Variants in GRIN2A observed in about 807,000 individuals in gnomAD.
GRIN2A encodes the protein glutamate ionotropic receptor NMDA type subunit 2A.
A neutral mutation model predicts 113.4 loss-of-function variants in GRIN2A; 22 were observed. The observed-to-expected ratio is 0.19, with a 90% CI of 0.14 to 0.28. GRIN2A has a LOEUF of 0.28. Among genes scored for constraint, GRIN2A ranks in the 10% least tolerant of loss-of-function variants. The pLI, the probability that GRIN2A is intolerant of heterozygous loss-of-function variation, is 1.00. For synonymous variants in GRIN2A, 827 were observed against 738.4 expected (o/e 1.12, Z -1.94); for missense variants, 1,502 against 1,887.0 (o/e 0.80, Z 3.78).
intron 2 of GRIN2A, among the ~76,000 whole-genome samples, chr16:10,109,036 C>A (rs9936739): frequency 0.042 from 3,512 of 84,038 alleles, 111 homozygotes; most frequent in African/African-American, 0.16. Flanking sequence ...AAAAAAAAAA[C>A]AAAATTGATA....
chr16:10,135,209 A>G (rs1242429107), intron 2 of GRIN2A, among the ~76,000 whole-genome samples: 2 of 152,236 alleles, frequency 1.3e-5, no homozygotes, highest in Non-Finnish European at 2.9e-5. Flanking sequence ...TATAATTCAG[A>G]TAAATGCTCT....
rs1042202486 is a variant in GRIN2A at position 9,763,909 on chromosome 16, G to C, written c.3635C>G (p.Thr1212Arg). The C allele has an allele frequency of 6.2e-7, 1 of 1,614,098 alleles. No individual in the cohort carries two copies. Among genetic ancestry groups the C allele is most frequent in the African/African-American group, 1.3e-5 (1 of 75,050 alleles). The part of the protein sequence containing the change: ...ETSERYRQNS[T>R]HCRSCLSNMP... ...GTTGGAAAGGCAGCTTCTGCAGTGC[G>C]TGGAGTTCTGCCGGTATCGCTCGCT... Residue 1212 changes from threonine to arginine, a missense_variant, in exon 13 of 13, where the codon ACG becomes AGG. Thr to Arg is a moderately conservative substitution (Grantham distance 71, BLOSUM62 -1). Coordinates refer to ENST00000330684, the MANE Select transcript of GRIN2A (RefSeq NM_001134407.3).
intron 2 of GRIN2A, among the ~76,000 whole-genome samples, chr16:10,141,808 G>C (rs527464519): frequency 6.6e-6 from 1 of 152,202 alleles, no homozygotes; most frequent in Admixed American, 6.5e-5. Context: ...TTTTACAAAT[G>C]AGATACCAGA....
chr16:9,865,367 G>C (rs985769392), intron 4 of GRIN2A, among the ~76,000 whole-genome samples: 23 of 152,066 alleles, frequency 1.5e-4, no homozygotes, highest in African/African-American at 5.3e-4. Context: ...GAGCCCTATG[G>C]AGCCACTGGG....
At chr16:9,771,147 G>A (rs1254368258) in intron 11 of GRIN2A, among the ~76,000 whole-genome samples, 1 of 150,906 alleles carries the variant, frequency 6.6e-6, no homozygotes, top group Non-Finnish European at 1.5e-5. Flanking sequence ...GGGATGTAGT[G>A]CTAGCTCATT....
At chr16:9,973,750 A>G (rs560244253) in intron 2 of GRIN2A, among the ~76,000 whole-genome samples, 20 of 152,328 alleles carry the variant, frequency 1.3e-4, no homozygotes, top group African/African-American at 4.8e-4. Context: ...TACAGAGTCC[A>G]GAAGACAGTG....
At chr16:10,094,432 T>C (rs2048244913) in intron 2 of GRIN2A, among the ~76,000 whole-genome samples, 1 of 151,670 alleles carries the variant, frequency 6.6e-6, no homozygotes, top group Non-Finnish European at 1.5e-5. Context: ...TCTGACTGCA[T>C]ATTATTCTCA....
chr16:10,041,767 C>T (rs990784560), intron 2 of GRIN2A, among the ~76,000 whole-genome samples: 8 of 152,156 alleles, frequency 5.3e-5, no homozygotes, highest in African/African-American at 1.9e-4. Flanking sequence ...GATACCCATC[C>T]TTGAGTGTAT....
At chr16:9,829,294 G>C (rs2042443906) in intron 9 of GRIN2A, 129 bp downstream of exon 9, 3 of 667,722 alleles carry the variant, frequency 4.5e-6, no homozygotes, top group Admixed American at 2.5e-5. Flanking sequence ...GAGTTAAAGA[G>C]AAAAAACCTT....
At chr16:9,831,502 T>C (rs1176042781) in intron 8 of GRIN2A, among the ~76,000 whole-genome samples, 5 of 149,508 alleles carry the variant, frequency 3.3e-5, no homozygotes, top group Admixed American at 1.3e-4. Context: ...CATTGTTTTT[T>C]TTTTTTCTTT....
At chr16:10,035,745 A>C (rs1230547885) in intron 2 of GRIN2A, among the ~76,000 whole-genome samples, 1 of 144,010 alleles carries the variant, frequency 6.9e-6, no homozygotes, top group Non-Finnish European at 1.5e-5. Flanking sequence ...TTTTTTTGAG[A>C]TAGGGTCTCA....
chr16:9,924,117 A>G (rs1043617228), intron 3 of GRIN2A, among the ~76,000 whole-genome samples: 1 of 150,314 alleles, frequency 6.7e-6, no homozygotes, highest in Non-Finnish European at 1.5e-5. Context: ...TCTCAAAAAA[A>G]AAAAAAAAAA....
intron 2 of GRIN2A, among the ~76,000 whole-genome samples, chr16:10,057,847 G>A (rs1428616383): frequency 3.9e-5 from 6 of 152,316 alleles, no homozygotes; most frequent in East Asian, 3.9e-4. Context: ...AAACAAAAGC[G>A]CAGACATCAC....
At chr16:10,042,519 A>G (rs1338645506) in intron 2 of GRIN2A, among the ~76,000 whole-genome samples, 1 of 152,194 alleles carries the variant, frequency 6.6e-6, no homozygotes, top group African/African-American at 2.4e-5. Context: ...TACTGACCAC[A>G]GCCTCACAAG....
chr16:9,857,773 T>C (rs937902226), intron 4 of GRIN2A, among the ~76,000 whole-genome samples: 4 of 152,238 alleles, frequency 2.6e-5, no homozygotes, highest in African/African-American at 9.6e-5. Context: ...TTTGTCATTG[T>C]TTAAATCAAT....
At chr16:9,828,607 A>C (rs1289764707) in intron 9 of GRIN2A, among the ~76,000 whole-genome samples, 1 of 152,164 alleles carries the variant, frequency 6.6e-6, no homozygotes, top group Admixed American at 6.5e-5. Flanking sequence ...GCAAGTCAGG[A>C]TGTTTCCTGA....
chr16:9,901,618 C>T (rs967482623), intron 3 of GRIN2A, among the ~76,000 whole-genome samples: 6 of 152,018 alleles, frequency 3.9e-5, no homozygotes, highest in Admixed American at 2.0e-4. Context: ...CAACACCACA[C>T]CTGGCTAATT....
intron 2 of GRIN2A, among the ~76,000 whole-genome samples, chr16:10,007,854 G>C (rs1322946052): frequency 6.6e-6 from 1 of 152,170 alleles, no homozygotes; most frequent in Non-Finnish European, 1.5e-5. Flanking sequence ...GGGCAGATAA[G>C]AACACAGGAG....
chr16:9,879,618 C>G (rs1312394094), intron 4 of GRIN2A, among the ~76,000 whole-genome samples: 1 of 152,082 alleles, frequency 6.6e-6, no homozygotes, highest in Non-Finnish European at 1.5e-5. Flanking sequence ...CACCATTTTC[C>G]TTTTAAAGAA....
Sources: gnomAD v4.1 joint callset for allele counts (sites outside exome capture counted in the v4.1 genomes callset) on GRCh38, gnomAD v4.1.1 for gene constraint, MANE v1.5 for transcripts, NCBI Gene and HGNC (gene_info 2026-07-23, HGNC 2026-07-21) for gene names.